Variants in TBX20 observed in about 807,000 individuals in gnomAD.
TBX20 encodes T-box transcription factor TBX20.
A neutral mutation model predicts 42.9 loss-of-function variants in TBX20; 8 were observed. That is an observed-to-expected ratio of 0.19 (90% CI 0.11 to 0.34). TBX20 has a LOEUF of 0.34. Ranked by LOEUF, TBX20 falls within the 10% of genes least tolerant of loss-of-function variation. The pLI is 1.00. For synonymous variants in TBX20, 198 were observed against 222.8 expected, an observed-to-expected ratio of 0.89 and a Z score of 0.99; for missense variants, 411 against 566.0, an observed-to-expected ratio of 0.73 and a Z score of 2.78.
chr7:35,245,153 A>G (rs1411982582), intron 3 of TBX20, 96 bp from the exon 4 acceptor site: 15 of 913,386 alleles, frequency 1.6e-5, no homozygotes, highest in Non-Finnish European at 1.7e-6. Context: ...CACATAAACC[A>G]TATATAAGTG....
intron 1 of TBX20, among the ~76,000 whole-genome samples, chr7:35,250,635 G>A (rs1296029963): frequency 1.3e-5 from 2 of 152,204 alleles, no homozygotes; most frequent in Non-Finnish European, 2.9e-5. Flanking sequence ...GGAGACAAAG[G>A]GAGTGAAGAG....
intron 5 of TBX20, among the ~76,000 whole-genome samples, chr7:35,236,825 C>G (rs1156860356): frequency 6.6e-6 from 1 of 152,082 alleles, no homozygotes; most frequent in Non-Finnish European, 1.5e-5. Flanking sequence ...TGTGGTTACT[C>G]AGCAATGAAA....
At chr7:35,242,996 G>T (rs1790112595) in intron 4 of TBX20, among the ~76,000 whole-genome samples, 1 of 151,248 alleles carries the variant, frequency 6.6e-6, no homozygotes, top group African/African-American at 2.4e-5. Context: ...ATTTTTTTTT[G>T]AGACAGGGTC....
At chr7:35,215,780 A>G (rs542915817) in intron 6 of TBX20, among the ~76,000 whole-genome samples, 54 of 152,126 alleles carry the variant, frequency 3.5e-4, no homozygotes, top group African/African-American at 1.3e-3. Context: ...AGACACAATC[A>G]CGGCCAGAAA....
Position 35,221,986 on chromosome 7 carries a change from T to A in TBX20, c.890+9518A>T, listed in dbSNP as rs537668012. Among the ~76,000 whole-genome samples the A allele has an allele frequency of 1.4e-4, 21 of 152,298 alleles. No individual in the cohort carries two copies. The East Asian group carries it at 3.7e-3, about 27-fold the overall frequency. On this transcript the variant is annotated intron_variant, in intron 6 of 7. Transcript: ENST00000408931. The stretch of plus-strand genomic sequence containing the variant: ...AGGAGTAGTATCCTATTTTATAGGA[T>A]AACAAAATATATACTTTAATTCTTG...
At position 35,202,781 on chromosome 7, in the gene TBX20, A is replaced by G; in HGVS notation, c.1004-11T>C. 1 of 1,544,412 alleles carries G rather than the reference A, an allele frequency of 6.5e-7. No homozygotes were observed. The highest frequency in any genetic ancestry group is 8.8e-7 in the Non-Finnish European group (1 of 1,142,116). On this transcript the variant is annotated splice_polypyrimidine_tract_variant and intron_variant, in intron 7 of 7. Transcript: ENST00000408931. ...TTGTAAAGGCTGACCCTGTAAGGAA[A>G]AACACTCATTAGACTGGAAACACTG... is the stretch of plus-strand genomic sequence containing the variant.
intron 6 of TBX20, among the ~76,000 whole-genome samples, chr7:35,228,382 A>G (rs916112912): frequency 1.6e-4 from 24 of 152,236 alleles, no homozygotes; most frequent in Non-Finnish European, 2.6e-4. Context: ...AAGGAAGTAA[A>G]TGTTCATACG....
intron 6 of TBX20, among the ~76,000 whole-genome samples, chr7:35,226,248 G>A (rs1789768870): frequency 6.6e-6 from 1 of 151,916 alleles, no homozygotes; most frequent in South Asian, 2.1e-4. Context: ...GAGAGCAACA[G>A]ATTTGGTGAT....
At chr7:35,226,198 T>C (rs1429141381) in intron 6 of TBX20, among the ~76,000 whole-genome samples, 1 of 151,982 alleles carries the variant, frequency 6.6e-6, no homozygotes, top group Non-Finnish European at 1.5e-5. Flanking sequence ...TTGTATTATT[T>C]TGGAGTGAGA....
rs746950090 is a variant in TBX20 at position 35,204,599 on chromosome 7, T to C, written c.891-17A>G. 8.9e-6 allele frequency: 14 copies of C among 1,577,428 alleles called. No homozygotes were observed. Among genetic ancestry groups the C allele is most frequent in the Non-Finnish European group, 1.1e-5 (13 of 1,147,604 alleles). The stretch of plus-strand genomic sequence containing the variant: ...ACACTTTCCCTAGGTTAGAGTGACA[T>C]ATCACAGGTTAAGTAAAATGTAAAG... On this transcript the variant is annotated splice_polypyrimidine_tract_variant and intron_variant, in intron 6 of 7. Coordinates refer to ENST00000408931, the MANE Select transcript of TBX20 (RefSeq NM_001077653.2).
intron 6 of TBX20, among the ~76,000 whole-genome samples, chr7:35,226,939 C>T (rs1471317339): frequency 6.6e-6 from 1 of 151,608 alleles, no homozygotes; most frequent in African/African-American, 2.4e-5. Context: ...ATTATCATTA[C>T]AGGAGATGTG....
At chr7:35,242,372 T>G (rs1481098930) in intron 4 of TBX20, among the ~76,000 whole-genome samples, 3 of 152,168 alleles carry the variant, frequency 2.0e-5, no homozygotes, top group Non-Finnish European at 4.4e-5. Context: ...CAAAATAATG[T>G]TTTTGAATGA....
At chr7:35,250,343 GACCC>G in intron 1 of TBX20, 140 bp from the exon 2 acceptor site, 5 of 1,039,534 alleles carry the variant, frequency 4.8e-6, no homozygotes, top group Non-Finnish European at 7.3e-6. Context: ...CTGTAGGGAT[GACCC>G]ATCATCACTG....
At position 35,250,140 on chromosome 7, in the gene TBX20, T is replaced by C; in HGVS notation, c.191A>G (p.His64Arg). ...GCCACTGCCTCCACCAAACTCCCCA[T>C]GAGCATCCAGGCTGGTCAGCTCACC... The part of the protein sequence containing the change: ...PLGELTSLDA[H>R]GEFGGGSGSS... Residue 64 changes from histidine (H) to arginine (R), a missense_variant, in exon 2 of 8, where the codon CAT becomes CGT. His to Arg is a conservative substitution (Grantham distance 29). Transcript: ENST00000408931. 1 of 1,614,018 alleles carries C rather than the reference T, an allele frequency of 6.2e-7. No homozygotes were observed. Among genetic ancestry groups the C allele is most frequent in the Non-Finnish European group, 8.5e-7 (1 of 1,179,982 alleles).
At chr7:35,226,485 A>G (rs1029608634) in intron 6 of TBX20, among the ~76,000 whole-genome samples, 1 of 152,160 alleles carries the variant, frequency 6.6e-6, no homozygotes, top group Non-Finnish European at 1.5e-5. Flanking sequence ...GAAACTGGCA[A>G]AGATGAAAAG....
intron 6 of TBX20, among the ~76,000 whole-genome samples, chr7:35,229,603 A>AATG (rs1240937866): frequency 1.3e-5 from 2 of 152,142 alleles, no homozygotes; most frequent in Non-Finnish European, 2.9e-5. Context: ...ATAAGTGGAA[A>AATG]ATGTGGCCAC....
At chr7:35,238,386 G>A (rs1292742471) in intron 5 of TBX20, among the ~76,000 whole-genome samples, 1 of 151,970 alleles carries the variant, frequency 6.6e-6, no homozygotes, top group Non-Finnish European at 1.5e-5. Flanking sequence ...AAAAAATAAA[G>A]AGGAAAACAA....
intron 4 of TBX20, among the ~76,000 whole-genome samples, chr7:35,241,457 AAG>A (rs964357355): frequency 6.6e-6 from 1 of 151,790 alleles, no homozygotes; most frequent in African/African-American, 2.4e-5. Flanking sequence ...AAAAAAATAA[AAG>A]AGTTTAGAAA....
At chr7:35,208,062 A>G (rs1789429342) in intron 6 of TBX20, among the ~76,000 whole-genome samples, 1 of 152,160 alleles carries the variant, frequency 6.6e-6, no homozygotes, top group Admixed American at 6.5e-5. Context: ...CCTTCAAATC[A>G]TGAACCAGTA....
Sources: allele counts gnomAD v4.1 joint callset (sites outside exome capture counted in the v4.1 genomes callset), GRCh38; gene constraint gnomAD v4.1.1; transcripts MANE v1.5; gene names NCBI Gene and HGNC (gene_info 2026-07-23, HGNC 2026-07-21).